Variants in NRXN3 observed in about 807,000 individuals in gnomAD.
The protein encoded by NRXN3 is neurexin III.
A neutral mutation model predicts 137.6 loss-of-function variants in NRXN3; 32 were observed. The observed-to-expected ratio is 0.23, with a 90% CI of 0.18 to 0.31. The LOEUF (loss-of-function observed/expected upper bound fraction) is 0.31. NRXN3 is among the 10% of genes least tolerant of loss of function. The pLI, the probability that NRXN3 is intolerant of heterozygous loss-of-function variation, is 1.00. For synonymous variants in NRXN3, 798 were observed against 784.5 expected (o/e 1.02, Z -0.29); for missense variants, 1,574 against 2,062.5 (o/e 0.76, Z 4.59).
intron 4 of NRXN3, among the ~76,000 whole-genome samples, chr14:78,345,040 A>C (rs144829958): frequency 6.6e-6 from 1 of 152,260 alleles, no homozygotes; most frequent in Non-Finnish European, 1.5e-5. Flanking sequence ...GAATCAGGTA[A>C]GTCAGGAGAA....
chr14:79,239,330 A>G (rs2073921259), intron 15 of NRXN3, among the ~76,000 whole-genome samples: 1 of 152,154 alleles, frequency 6.6e-6, no homozygotes, highest in African/African-American at 2.4e-5. Flanking sequence ...AGGGGGAACT[A>G]CTGTACATAA....
At chr14:79,212,417 A>C (rs938436825) in intron 15 of NRXN3, among the ~76,000 whole-genome samples, 1 of 152,276 alleles carries the variant, frequency 6.6e-6, no homozygotes, top group South Asian at 2.1e-4. Context: ...AGGTTAATCC[A>C]TTAACTTGCC....
chr14:79,631,397 G>A (rs567972856), intron 16 of NRXN3, among the ~76,000 whole-genome samples: 2 of 152,250 alleles, frequency 1.3e-5, no homozygotes, highest in Admixed American at 1.3e-4. Flanking sequence ...GGCGCTGTGG[G>A]GGCCCCTCTC....
chr14:79,699,745 T>C lies in NRXN3; in HGVS notation c.4014+1808T>C, dbSNP rs543676541. ...AGGAGATGAACAACTGGGAATGCCT[T>C]CTCCAATAGCCTCTCTCTGGCATGT... On this transcript the variant is annotated intron_variant, in intron 19 of 20. Coordinates refer to ENST00000335750, the MANE Select transcript of NRXN3 (RefSeq NM_001330195.2). Among the ~76,000 whole-genome samples the C allele has an allele frequency of 6.1e-4, 93 of 152,168 alleles. 2 individuals are homozygous for C. The highest frequency in any genetic ancestry group is 3.4e-3 in the Middle Eastern group (1 of 294).
chr14:78,440,098 T>C (rs2153695433), intron 4 of NRXN3, among the ~76,000 whole-genome samples: 1 of 152,350 alleles, frequency 6.6e-6, no homozygotes, highest in Non-Finnish European at 1.5e-5. Context: ...CCGCATTTGT[T>C]TTGCTTTTAT....
chr14:79,642,664 A>G (rs2098438387), intron 16 of NRXN3, among the ~76,000 whole-genome samples: 1 of 135,152 alleles, frequency 7.4e-6, no homozygotes. Context: ...TATAATGTGT[A>G]AGCCTGCCTC....
At chr14:79,802,841 C>A (rs916667638) in intron 19 of NRXN3, among the ~76,000 whole-genome samples, 1 of 150,528 alleles carries the variant, frequency 6.6e-6, no homozygotes, top group African/African-American at 2.5e-5. Flanking sequence ...CTGAAATGAA[C>A]AATTCAGTAG....
intron 19 of NRXN3, among the ~76,000 whole-genome samples, chr14:79,774,475 G>A (rs886227309): frequency 2.0e-5 from 3 of 151,980 alleles, no homozygotes; most frequent in African/African-American, 7.2e-5. Context: ...GATTTCCCTA[G>A]GAGTCTGAGA....
At chr14:78,980,112 G>A (rs551370413) in intron 14 of NRXN3, among the ~76,000 whole-genome samples, 1 of 152,342 alleles carries the variant, frequency 6.6e-6, no homozygotes, top group South Asian at 2.1e-4. Flanking sequence ...CACCGATAGA[G>A]TCTAAGCCCT....
At chr14:78,594,056 C>A (rs940356527) in intron 4 of NRXN3, among the ~76,000 whole-genome samples, 2 of 152,178 alleles carry the variant, frequency 1.3e-5, no homozygotes, top group Non-Finnish European at 2.9e-5. Flanking sequence ...CGGCACGCAA[C>A]AAGCGGCATG....
chr14:78,884,611 A>G (rs1437098934), intron 10 of NRXN3, among the ~76,000 whole-genome samples: 1 of 152,200 alleles, frequency 6.6e-6, no homozygotes, highest in Non-Finnish European at 1.5e-5. Flanking sequence ...TTCAGGATTT[A>G]AAAAAGATAC....
At chr14:78,778,983 C>A (rs759136769) in intron 8 of NRXN3, among the ~76,000 whole-genome samples, 106 of 151,988 alleles carry the variant, frequency 7.0e-4, no homozygotes, top group Non-Finnish European at 1.0e-3. Context: ...GATGCTCTGT[C>A]GTGGTGAGTC....
chr14:78,206,867 TTTTG>T (rs1566968570), intron 1 of NRXN3, among the ~76,000 whole-genome samples: 1 of 152,076 alleles, frequency 6.6e-6, no homozygotes, highest in African/African-American at 2.4e-5. Flanking sequence ...ATTCTTTTTT[TTTTG>T]TTTGTTTTTT....
At chr14:79,581,658 T>C (rs1243366474) in intron 16 of NRXN3, among the ~76,000 whole-genome samples, 1 of 152,220 alleles carries the variant, frequency 6.6e-6, no homozygotes, top group South Asian at 2.1e-4. Flanking sequence ...TTTCTCCCAG[T>C]TGGTAATTAT....
intron 16 of NRXN3, among the ~76,000 whole-genome samples, chr14:79,544,199 G>A (rs1301462706): frequency 6.6e-6 from 1 of 152,250 alleles, no homozygotes; most frequent in Non-Finnish European, 1.5e-5. Context: ...TAACTAAGTA[G>A]TAATGGTGCC....
chr14:79,573,810 C>T (rs893024666), intron 16 of NRXN3, among the ~76,000 whole-genome samples: 8 of 152,088 alleles, frequency 5.3e-5, no homozygotes, highest in South Asian at 4.2e-4. Flanking sequence ...ATTCCCTCTA[C>T]AGCTTGAAGG....
intron 17 of NRXN3, among the ~76,000 whole-genome samples, chr14:79,675,490 G>T (rs1267145277): frequency 6.6e-6 from 1 of 151,962 alleles, no homozygotes. Flanking sequence ...TTTAAATCAC[G>T]GATAGTTGGA....
intron 15 of NRXN3, among the ~76,000 whole-genome samples, chr14:79,124,449 G>C (rs6574492): frequency 0.51 from 77,473 of 151,984 alleles, 22,473 homozygotes; most frequent in East Asian, 0.78. Flanking sequence ...AATTGGTTGA[G>C]AACAGGTAAT....
At chr14:79,595,603 A>G (rs2097851512) in intron 16 of NRXN3, among the ~76,000 whole-genome samples, 2 of 152,218 alleles carry the variant, frequency 1.3e-5, no homozygotes, top group African/African-American at 2.4e-5. Context: ...TATTTCACCT[A>G]AAGCACTGAA....
Sources: gnomAD v4.1 joint callset for allele counts (sites outside exome capture counted in the v4.1 genomes callset) on GRCh38, gnomAD v4.1.1 for gene constraint, MANE v1.5 for transcripts, NCBI Gene and HGNC (gene_info 2026-07-23, HGNC 2026-07-21) for gene names.